The following NANOG variants were observed in gnomAD, a reference collection of about 807,000 sequenced individuals.
NANOG encodes the protein homeobox protein NANOG.
A neutral mutation model predicts 17.7 loss-of-function variants in NANOG; 2 were observed. That is an observed-to-expected ratio of 0.11 (90% CI 0.05 to 0.36). NANOG has a LOEUF of 0.36. NANOG is among the 10% of genes least tolerant of loss of function. NANOG has a pLI of 1.00. For missense variants in NANOG, 174 were observed against 362.1 expected (o/e 0.48, Z 4.22); for synonymous variants, 81 against 124.7 (o/e 0.65, Z 2.33).
intron 1 of NANOG, among the ~76,000 whole-genome samples, chr12:7,792,427 G>A (rs1295910724): frequency 6.6e-6 from 1 of 152,120 alleles, no homozygotes; most frequent in Admixed American, 6.6e-5. Flanking sequence ...AGTACTTCGG[G>A]AGGCCGAGGC....
chr12:7,792,131 G>A (rs950930190), intron 1 of NANOG, among the ~76,000 whole-genome samples: 1 of 152,162 alleles, frequency 6.6e-6, no homozygotes, highest in African/African-American at 2.4e-5. Flanking sequence ...TTGACCTCAA[G>A]TGATCTGCCC....
intron 2 of NANOG, 146 bp from the exon 3 acceptor site, chr12:7,794,311 A>T: frequency 1.4e-6 from 1 of 700,874 alleles, no homozygotes; most frequent in African/African-American, 1.8e-5. Flanking sequence ...GGGCTCAAGC[A>T]ATCTGCCCGC....
At position 7,798,008 on chromosome 12, in the gene NANOG, C is replaced by T. The variant is rs1192653788; in HGVS notation, c.*2913C>T. On this transcript the variant is annotated 3_prime_UTR_variant, in exon 4 of 4. Coordinates refer to ENST00000229307, the MANE Select transcript of NANOG (RefSeq NM_024865.4). ...TAATCACCCAGTATTAATCTTCAAC[C>T]TCTTGGCAGGTAAGAATTTAGAGAT... The T allele has an allele frequency of 6.6e-6, 1 of 151,894 alleles. No homozygotes were observed. Among genetic ancestry groups the T allele is most frequent in the African/African-American group, 2.4e-5 (1 of 41,290 alleles). 9.4% of individuals were successfully genotyped at this position (151,894 alleles called of 1,614,324 possible). A position where few individuals can be genotyped will look rare whatever the true frequency, so the allele number is the denominator to read the frequency against.
rs1169104211 is a variant in NANOG, at chr12:7,799,009, G to A, written c.*3914G>A. 2 of 151,282 alleles carry A rather than the reference G, an allele frequency of 1.3e-5. No homozygotes were observed. The highest frequency in any genetic ancestry group is 4.9e-5 in the African/African-American group (2 of 41,114). The allele number at this position is 151,282 out of a possible 1,614,324, so 9.4% of individuals were successfully genotyped here. A position where few individuals can be genotyped will look rare whatever the true frequency, so the allele number is the denominator to read the frequency against. ...TACCGAAATGTAGGAATTTGAATGGGTTCCTGGGTGTGAGGTTGAAGTGAA... is the reference window on the plus strand; with the variant it reads ...TACCGAAATGTAGGAATTTGAATGGATTCCTGGGTGTGAGGTTGAAGTGAA... On this transcript the variant is annotated 3_prime_UTR_variant, in exon 4 of 4. Transcript: ENST00000229307.
In NANOG at chr12:7,793,152, A is replaced by G; in HGVS notation, c.354A>G (p.Lys118=). ...CVLNDRFQRQ[K]YLSLQQMQEL... ...TCAATGATAGATTTCAGAGACAGAAATACCTCAGCCTCCAGCAGATGCAAG... is the reference window on the plus strand; with the variant it reads ...TCAATGATAGATTTCAGAGACAGAAGTACCTCAGCCTCCAGCAGATGCAAG... Residue 118 remains lysine, a synonymous_variant, in exon 2 of 4, where the codon AAA becomes AAG. Coordinates refer to ENST00000229307, the MANE Select transcript of NANOG (RefSeq NM_024865.4). The G allele has an allele frequency of 6.2e-7, 1 of 1,611,544 alleles. No individual in the cohort carries two copies. Among genetic ancestry groups the G allele is most frequent in the Non-Finnish European group, 8.5e-7 (1 of 1,177,868 alleles).
At chr12:7,790,987 C>T (rs1411304882) in intron 1 of NANOG, among the ~76,000 whole-genome samples, 6 of 152,152 alleles carry the variant, frequency 3.9e-5, no homozygotes, top group Non-Finnish European at 8.8e-5. Flanking sequence ...TCAAGTGATC[C>T]TCCACCCTCA....
chr12:7,790,227 G>A (rs1276214065), intron 1 of NANOG, among the ~76,000 whole-genome samples: 3 of 152,192 alleles, frequency 2.0e-5, no homozygotes, highest in African/African-American at 7.2e-5. Flanking sequence ...ATCACGATGA[G>A]ATTTCTGTAA....
Position 7,794,663 on chromosome 12 carries a change from C to A in NANOG, c.502-16C>A, listed in dbSNP as rs774211479. The A allele has an allele frequency of 3.7e-6, 6 of 1,611,084 alleles. No homozygotes were observed. Reference sequence around the variant, plus strand: ...TGTCCTTGTACCCTTTCTGTTAATCCCTCCTTCTCTTTCAGAAGGCCTCAG... The same window carrying A: ...TGTCCTTGTACCCTTTCTGTTAATCACTCCTTCTCTTTCAGAAGGCCTCAG... On this transcript the variant is annotated splice_polypyrimidine_tract_variant and intron_variant, in intron 3 of 3. Transcript: ENST00000229307.
chr12:7,794,284 G>T (rs1000041624), intron 2 of NANOG, among the ~76,000 whole-genome samples, 173 bp from the exon 3 acceptor site: 2 of 152,110 alleles, frequency 1.3e-5, no homozygotes, highest in African/African-American at 2.4e-5. Context: ...ATGTTGGCTA[G>T]CCTGTAGCGA....
At chr12:7,794,218 C>T (rs914059459) in intron 2 of NANOG, among the ~76,000 whole-genome samples, 2 of 151,568 alleles carry the variant, frequency 1.3e-5, no homozygotes, top group Non-Finnish European at 2.9e-5. Flanking sequence ...GGACCACAGA[C>T]GTGCAGCATT....
intron 1 of NANOG, 70 bp from the exon 2 acceptor site, chr12:7,792,880 A>T (rs886506848): frequency 4.6e-5 from 68 of 1,464,054 alleles, no homozygotes; most frequent in Middle Eastern, 2.5e-4. Context: ...TTTGAAAACA[A>T]TTTTTTTAAA....
In NANOG at chr12:7,796,698, ATTAT is replaced by A. The variant is rs1453870382; in HGVS notation, c.*1606_*1609del. The A allele has an allele frequency of 2.5e-5, 2 of 80,974 alleles. No individual in the cohort carries two copies. The highest frequency in any genetic ancestry group is 2.6e-4 in the Admixed American group (2 of 7,768). 5.0% of individuals were successfully genotyped at this position (80,974 alleles called of 1,614,324 possible). ...GTGGTTTTTTCCAGTCTTTTCTCTC[ATTAT>A]TTCCCCAATTGTCCAATGTTACTAA... On this transcript the variant is annotated 3_prime_UTR_variant, in exon 4 of 4. Transcript: ENST00000229307.
chr12:7,791,115 T>C (rs868849266), intron 1 of NANOG, among the ~76,000 whole-genome samples: 3,997 of 47,332 alleles, frequency 0.084, 169 homozygotes, highest in African/African-American at 0.29. Flanking sequence ...CTTTCTTTCT[T>C]TTTTTTTTTT....
rs1378590106 is a variant in NANOG, at chr12:7,795,477, T to A, written c.*382T>A. The A allele has an allele frequency of 1.0e-4, 27 of 260,072 alleles. No homozygotes were observed. Among genetic ancestry groups the A allele is most frequent in the East Asian group, 4.3e-4 (4 of 9,408 alleles). 16.1% of individuals were successfully genotyped at this position (260,072 alleles called of 1,614,324 possible). A position where few individuals can be genotyped will look rare whatever the true frequency, so the allele number is the denominator to read the frequency against. On this transcript the variant is annotated 3_prime_UTR_variant, in exon 4 of 4. Coordinates refer to ENST00000229307, the MANE Select transcript of NANOG (RefSeq NM_024865.4). ...GCTGGGACTACAGGCGCCCGCCACCTCGCCCGGCTAATATTTTGTATTTTT... is the reference window on the plus strand; with the variant it reads ...GCTGGGACTACAGGCGCCCGCCACCACGCCCGGCTAATATTTTGTATTTTT...
At chr12:7,789,813 G>T in intron 1 of NANOG, 48 bp downstream of exon 1, 7 of 1,563,376 alleles carry the variant, frequency 4.5e-6, no homozygotes, top group Non-Finnish European at 6.1e-6. Flanking sequence ...TAAGGGAAAA[G>T]AGAGAAGGAG....
intron 1 of NANOG, 133 bp downstream of exon 1, chr12:7,789,898 C>A: frequency 2.2e-6 from 2 of 922,722 alleles, no homozygotes; most frequent in South Asian, 3.2e-5. Flanking sequence ...ATCAACTAAT[C>A]CTCTGGAAAC....
Position 7,795,711 on chromosome 12 carries a change from T to C in NANOG, c.*616T>C, listed in dbSNP as rs1862920866. 7.0e-6 allele frequency: 1 copy of C among 142,128 alleles called. No individual in the cohort carries two copies. The highest frequency in any genetic ancestry group is 1.5e-5 in the Non-Finnish European group (1 of 65,264). 8.8% of individuals were successfully genotyped at this position (142,128 alleles called of 1,614,324 possible). A position where few individuals can be genotyped will look rare whatever the true frequency, so the allele number is the denominator to read the frequency against. On this transcript the variant is annotated 3_prime_UTR_variant, in exon 4 of 4. Coordinates refer to ENST00000229307, the MANE Select transcript of NANOG (RefSeq NM_024865.4). ...GTTTGGATATCTTTAGGGTTTAGAATCTAACCTCAAGAATAAGAAATACAA... is the reference window on the plus strand; with the variant it reads ...GTTTGGATATCTTTAGGGTTTAGAACCTAACCTCAAGAATAAGAAATACAA...
At position 7,799,112 on chromosome 12, in the gene NANOG, T is replaced by A. The variant is rs1292981143; in HGVS notation, c.*4017T>A. 2 of 152,128 alleles carry A rather than the reference T, an allele frequency of 1.3e-5. No homozygotes were observed. Among genetic ancestry groups the A allele is most frequent in the East Asian group, 3.8e-4 (2 of 5,196 alleles). The allele number at this position is 152,128 out of a possible 1,614,324, so 9.4% of individuals were successfully genotyped here. A position where few individuals can be genotyped will look rare whatever the true frequency, so the allele number is the denominator to read the frequency against. Reference sequence around the variant, plus strand: ...GCTTCTGGGTAGTTGGTGTAAACTCTGTGGTCCTTGAATAAAGTGTGCTTG... The same window carrying A: ...GCTTCTGGGTAGTTGGTGTAAACTCAGTGGTCCTTGAATAAAGTGTGCTTG... On this transcript the variant is annotated 3_prime_UTR_variant, in exon 4 of 4. Transcript: ENST00000229307.
chr12:7,798,636 T>G lies in NANOG; in HGVS notation c.*3541T>G, dbSNP rs1179549146. On this transcript the variant is annotated 3_prime_UTR_variant, in exon 4 of 4. Coordinates refer to ENST00000229307, the MANE Select transcript of NANOG (RefSeq NM_024865.4). ...CCTGGGTTTTCCGAATTTCATAATATAAATTTAAAACTCAGAAGTGGGAGG... is the reference window on the plus strand; with the variant it reads ...CCTGGGTTTTCCGAATTTCATAATAGAAATTTAAAACTCAGAAGTGGGAGG... 1 of 150,402 alleles carries G rather than the reference T, an allele frequency of 6.6e-6. No individual in the cohort carries two copies. The highest frequency in any genetic ancestry group is 1.5e-5 in the Non-Finnish European group (1 of 67,796). 9.3% of individuals were successfully genotyped at this position (150,402 alleles called of 1,614,324 possible). A position where few individuals can be genotyped will look rare whatever the true frequency, so the allele number is the denominator to read the frequency against.
Sources: gnomAD v4.1 joint callset for allele counts (sites outside exome capture counted in the v4.1 genomes callset) on GRCh38, gnomAD v4.1.1 for gene constraint, MANE v1.5 for transcripts, NCBI Gene and HGNC (gene_info 2026-07-23, HGNC 2026-07-21) for gene names.